Variants in NELFA observed in about 807,000 individuals in gnomAD.
NELFA encodes the protein negative elongation factor complex member A, also known as negative elongation factor A.
In NELFA, 35 loss-of-function variants were observed where a neutral mutation model predicts 51.8. The ratio of observed to expected loss-of-function variants is 0.68; its 90% CI spans 0.52 to 0.90. The LOEUF is 0.90. Among genes scored for constraint, NELFA ranks in the 40% least tolerant of loss-of-function variants. The pLI is 0.00. For synonymous variants in NELFA, 417 were observed against 338.4 expected, an observed-to-expected ratio of 1.23 and a Z score of -2.55; for missense variants, 658 against 746.4, an observed-to-expected ratio of 0.88 and a Z score of 1.38.
intron 1 of NELFA, chr4:2,007,124 C>A (rs1728730260): frequency 2.3e-6 from 1 of 435,356 alleles, no homozygotes; most frequent in South Asian, 1.6e-5. Flanking sequence ...ATGGGAAGAT[C>A]TGAGGTGAGG....
At chr4:2,000,713 G>T (rs1456577400) in intron 1 of NELFA, among the ~76,000 whole-genome samples, 2 of 152,162 alleles carry the variant, frequency 1.3e-5, no homozygotes, top group Non-Finnish European at 2.9e-5. Flanking sequence ...AATTCCACCA[G>T]AAATACAAAG....
In NELFA at chr4:1,989,652, A is replaced by G; in HGVS notation, c.544+56T>C. The G allele has an allele frequency of 6.4e-7, 1 of 1,563,900 alleles. No homozygotes were observed. The highest frequency in any genetic ancestry group is 8.7e-7 in the Non-Finnish European group (1 of 1,153,790). On this transcript the variant is annotated intron_variant, in intron 3 of 10. Transcript: ENST00000382882. This position sits in a 1 kb window ranked among gnomAD's most constrained non-coding sequence, Gnocchi z 4.8. ...CAGTCTTGGTACCTTAGAACCTAAG[A>G]AACCTATGACTGGAAACTACAAAGA...
rs775104766 is a variant in NELFA at position 1,986,079 on chromosome 4, C to A, written c.835+35G>T. On this transcript the variant is annotated intron_variant, in intron 6 of 10. Transcript: ENST00000382882. Reference sequence around the variant, plus strand: ...CAACTGGGCAGGGCCCGCAGGGACCCCCATTGCCGCCGACACGCAGGCCCC... The same window carrying A: ...CAACTGGGCAGGGCCCGCAGGGACCACCATTGCCGCCGACACGCAGGCCCC... The A allele has an allele frequency of 3.9e-6, 6 of 1,547,296 alleles. No individual in the cohort carries two copies. The African/African-American group carries it at 8.2e-5, about 21-fold the overall frequency.
At position 1,983,180 on chromosome 4, in the gene NELFA, T is replaced by G. The variant is rs1727945660; in HGVS notation, c.*139A>C. On this transcript the variant is annotated 3_prime_UTR_variant, in exon 11 of 11. Transcript: ENST00000382882. ...ACCCCAGAGAAATGCATCCAGAACT[T>G]AAAACAGGCTGGGTCAGCAGCAGGG... is the stretch of plus-strand genomic sequence containing the variant. The G allele has an allele frequency of 1.3e-6, 1 of 773,530 alleles. No individual in the cohort carries two copies. 47.9% of individuals were successfully genotyped at this position (773,530 alleles called of 1,614,324 possible).
rs1727962632 is a variant in NELFA at position 1,983,487 on chromosome 4, C to T, written c.1419G>A (p.Glu473=). Residue 473 remains glutamate, a synonymous_variant, in exon 11 of 11, where the codon GAG becomes GAA. Coordinates refer to ENST00000382882, the MANE Select transcript of NELFA (RefSeq NM_005663.5). ...MAGSRENPCQ[E]QGDVIQIKLS... ...GCTTGATCTGGATCACGTCCCCCTG[C>T]TCCTGGCACGGGTTCTCTGCAGAGA... 6 of 1,614,072 alleles carry T rather than the reference C, an allele frequency of 3.7e-6. No homozygotes were observed. Among genetic ancestry groups the T allele is most frequent in the Non-Finnish European group, 5.1e-6 (6 of 1,180,000 alleles).
At chr4:1,991,434 G>C in intron 2 of NELFA, 110 bp downstream of exon 2, 1 of 1,113,836 alleles carries the variant, frequency 9.0e-7, no homozygotes, top group Non-Finnish European at 1.3e-6. Context: ...TAGGGACCAG[G>C]ACACACGGAA....
chr4:1,993,837 G>A (rs1728351625), intron 1 of NELFA, among the ~76,000 whole-genome samples: 1 of 139,436 alleles, frequency 7.2e-6, no homozygotes. Context: ...CGCTGTTGTC[G>A]TCGCCCGGGC....
chr4:1,997,777 G>C (rs1728464181), intron 1 of NELFA, among the ~76,000 whole-genome samples: 1 of 152,130 alleles, frequency 6.6e-6, no homozygotes, highest in Admixed American at 6.6e-5. Context: ...CTCCATCATG[G>C]GACAAAGTGC....
Position 1,991,704 on chromosome 4 carries a change from G to A in NELFA, c.222C>T (p.Ala74=). 6.2e-7 allele frequency: 1 copy of A among 1,601,060 alleles called. No homozygotes were observed. The highest frequency in any genetic ancestry group is 2.2e-5 in the East Asian group (1 of 44,756). Residue 74 remains alanine, a synonymous_variant, in exon 2 of 11, where the codon GCC becomes GCT. Transcript: ENST00000382882. The part of the protein sequence containing the change: ...PRRTVDEMKG[A]LMEIIQLASL... Reference sequence around the variant, plus strand: ...TGGCGAGCTGGATGATCTCCATTAGGGCGCCCTTCATCTGCAAAATAGGAT... The same window carrying A: ...TGGCGAGCTGGATGATCTCCATTAGAGCGCCCTTCATCTGCAAAATAGGAT...
rs1727934308 is a variant in NELFA at position 1,982,973 on chromosome 4, G to GAAAA, written c.*342_*345dup. The stretch of plus-strand genomic sequence containing the variant: ...GTAGGAGGGCACTGCCCCAGCGAGG[G>GAAAA]AAAATAGAAAAGATTTTAAAAAGTA... On this transcript the variant is annotated 3_prime_UTR_variant, in exon 11 of 11. Coordinates refer to ENST00000382882, the MANE Select transcript of NELFA (RefSeq NM_005663.5). The GAAAA allele has an allele frequency of 5.4e-6, 1 of 185,884 alleles. No individual in the cohort carries two copies. The highest frequency in any genetic ancestry group is 2.4e-5 in the African/African-American group (1 of 41,718). The allele number at this position is 185,884 out of a possible 1,614,324, so 11.5% of individuals were successfully genotyped here.
chr4:1,988,120 A>G, intron 3 of NELFA, 113 bp from the exon 4 acceptor site: 1 of 852,670 alleles, frequency 1.2e-6, no homozygotes, highest in Non-Finnish European at 1.8e-6. Flanking sequence ...TGAACGCTGC[A>G]TTCTCTCTAA....
intron 1 of NELFA, chr4:2,007,118 G>T (rs1219028360): frequency 2.3e-6 from 1 of 431,682 alleles, no homozygotes; most frequent in Non-Finnish European, 4.7e-6. Context: ...GCTGAGATGG[G>T]AAGATCTGAG....
chr4:1,996,607 T>C (rs914721413), intron 1 of NELFA, among the ~76,000 whole-genome samples: 1 of 152,158 alleles, frequency 6.6e-6, no homozygotes, highest in African/African-American at 2.4e-5. Flanking sequence ...AAATAAGAAA[T>C]AATCACTATA....
Position 1,986,332 on chromosome 4 carries a change from T to G in NELFA, c.705A>C (p.Thr235=). 1.2e-6 allele frequency: 2 copies of G among 1,601,136 alleles called. No individual in the cohort carries two copies. The highest frequency in any genetic ancestry group is 1.7e-6 in the Non-Finnish European group (2 of 1,174,214). The change falls in exon 5 of 11, where the codon ACA becomes ACC. Residue 235 remains threonine (T), a synonymous_variant. Coordinates refer to ENST00000382882, the MANE Select transcript of NELFA (RefSeq NM_005663.5). ...SPTAPSVFSP[T]GNRTPIPPSR... ...AAGGCGGGATGGGGGTCCGGTTCCC[T>G]GTGGGGCTGAAGACGCTGGGCGCCG...
Position 1,994,382 on chromosome 4 carries a change from T to C in NELFA, c.211-2667A>G, listed in dbSNP as rs1015436886. Among the ~76,000 whole-genome samples the C allele has an allele frequency of 4.0e-5, 6 of 151,880 alleles. No homozygotes were observed. The South Asian group carries it at 1.0e-3, about 26-fold the overall frequency. ...GAGTTCGAGATCAGCCTGTCCAACA[T>C]GGCGAAACCCCATCTCTACTGAAAA... On this transcript the variant is annotated intron_variant, in intron 1 of 10. Coordinates refer to ENST00000382882, the MANE Select transcript of NELFA (RefSeq NM_005663.5).
rs776584835 is a variant in NELFA, at chr4:1,983,833, C to T, written c.1302+15G>A. 1 of 1,566,438 alleles carries T rather than the reference C, an allele frequency of 6.4e-7. No homozygotes were observed. Among genetic ancestry groups the T allele is most frequent in the Non-Finnish European group, 8.7e-7 (1 of 1,154,962 alleles). On this transcript the variant is annotated intron_variant, in intron 9 of 10. Transcript: ENST00000382882. ...CCTACCTGGTGGCCTGTGGGCCCTA[C>T]CAGTGTACACCTACCGTGAGGGACA...
intron 1 of NELFA, among the ~76,000 whole-genome samples, chr4:1,999,136 A>G (rs867163677): frequency 4.6e-5 from 7 of 152,034 alleles, no homozygotes; most frequent in East Asian, 3.9e-4. Context: ...CCCCGGAAGA[A>G]CTCTGGAAAG....
Position 2,004,370 on chromosome 4 carries a change from T to A in NELFA, c.210+4380A>T, listed in dbSNP as rs371745874. Reference sequence around the variant, plus strand: ...ATGAGTGTAGGATTTATTTGGGGGATGATGAAAATGTTTGAAAATTGACTA... The same window carrying A: ...ATGAGTGTAGGATTTATTTGGGGGAAGATGAAAATGTTTGAAAATTGACTA... On this transcript the variant is annotated intron_variant, in intron 1 of 10. Transcript: ENST00000382882. 2.4e-4 allele frequency among the ~76,000 whole-genome samples: 36 copies of A among 152,186 alleles called. No individual in the cohort carries two copies. In the East Asian group the frequency reaches 6.4e-3, roughly 27 times the overall value.
chr4:1,987,307 A>G (rs952221214), intron 4 of NELFA, among the ~76,000 whole-genome samples: 1 of 152,190 alleles, frequency 6.6e-6, no homozygotes, highest in African/African-American at 2.4e-5. Context: ...CCCCCAGGTC[A>G]CTATCCAGCA....
Sources: gnomAD v4.1 joint callset for allele counts (sites outside exome capture counted in the v4.1 genomes callset) on GRCh38, gnomAD v4.1.1 for gene constraint, Gnocchi (gnomAD v3.1) non-coding constraint, MANE v1.5 for transcripts, NCBI Gene and HGNC (gene_info 2026-07-23, HGNC 2026-07-21) for gene names.